The following COL9A1 variants were observed in gnomAD, a reference collection of about 807,000 sequenced individuals.
COL9A1 encodes collagen alpha-1(IX) chain.
COL9A1 carries 104 observed loss-of-function variants against 142.6 expected under a neutral mutation model. The observed-to-expected ratio is 0.73, with a 90% CI of 0.62 to 0.86. COL9A1 has a LOEUF of 0.86. Among genes scored for constraint, COL9A1 ranks in the 40% least tolerant of loss-of-function variants. The probability of loss-of-function intolerance (pLI) is 0.00; values close to 1 mark genes in which losing one functional copy is unlikely to be tolerated. For synonymous variants in COL9A1, 466 were observed against 396.0 expected (o/e 1.18, Z -2.10); for missense variants, 1,210 against 1,176.6 (o/e 1.03, Z -0.42).
intron 37 of COL9A1, among the ~76,000 whole-genome samples, chr6:70,219,317 A>G (rs761127709): frequency 3.3e-5 from 5 of 152,188 alleles, no homozygotes; most frequent in African/African-American, 1.2e-4. Context: ...TGGGATGGTC[A>G]TTGAGATCAG....
At chr6:70,235,731 T>C (rs1769863832) in intron 33 of COL9A1, among the ~76,000 whole-genome samples, 1 of 152,156 alleles carries the variant, frequency 6.6e-6, no homozygotes, top group Admixed American at 6.5e-5. Flanking sequence ...AACTTTTTTT[T>C]TTAGAGAATG....
intron 18 of COL9A1, 62 bp from the exon 19 acceptor site, chr6:70,263,359 A>T: frequency 2.1e-6 from 3 of 1,454,750 alleles, no homozygotes; most frequent in African/African-American, 1.4e-5. Flanking sequence ...CGAACATAGA[A>T]ATAGGCTTGG....
intron 6 of COL9A1, chr6:70,283,270 A>C: frequency 7.0e-7 from 1 of 1,422,334 alleles, no homozygotes; most frequent in Non-Finnish European, 9.2e-7. Flanking sequence ...GCTAGGGGGC[A>C]GGGGAGGACG....
rs1772040013 is a variant in COL9A1 at position 70,266,705 on chromosome 6, C to T, written c.1341+12G>A. 1 of 1,607,776 alleles carries T rather than the reference C, an allele frequency of 6.2e-7. No individual in the cohort carries two copies. Among genetic ancestry groups the T allele is most frequent in the African/African-American group, 1.3e-5 (1 of 74,748 alleles). ...AATCACAATTTATCCACTAAATACC[C>T]ATTTTCCTTACCTTGTGTCCTTGTC... On this transcript the variant is annotated intron_variant, in intron 18 of 37. Transcript: ENST00000357250.
intron 19 of COL9A1, chr6:70,260,978 A>G (rs985731933): frequency 7.9e-6 from 3 of 377,964 alleles, no homozygotes; most frequent in Non-Finnish European, 1.4e-5. Flanking sequence ...AAATACCAGC[A>G]TAAGAGAAAT....
In COL9A1 at chr6:70,302,003, G is replaced by A; in HGVS notation, c.86C>T (p.Pro29Leu). 1 of 1,609,520 alleles carries A rather than the reference G, an allele frequency of 6.2e-7. No individual in the cohort carries two copies. The change falls in exon 2 of 38, where the codon CCC (proline) becomes CTC (leucine). Residue 29 changes from proline to leucine, a missense_variant and splice_region_variant. Physicochemically the swap from Pro to Leu is moderately conservative, Grantham distance 98. Coordinates refer to ENST00000357250, the MANE Select transcript of COL9A1 (RefSeq NM_001851.6). ...AGTCTAGAAACTATGGCCCTTACTG[G>A]GGCGACGCTTGACAGCTGCAGATGC... Reference protein sequence around the residue: ...PWASAAVKRRPRFPVNSNSNG... With the variant: ...PWASAAVKRRLRFPVNSNSNG...
intron 25 of COL9A1, among the ~76,000 whole-genome samples, chr6:70,253,854 T>C (rs1007625572): frequency 1.2e-4 from 19 of 152,030 alleles, no homozygotes; most frequent in African/African-American, 3.9e-4. Flanking sequence ...AAAAAGGAAA[T>C]GGTAGGAGGA....
chr6:70,256,757 A>G lies in COL9A1; in HGVS notation c.1503+11T>C. 1 of 1,613,776 alleles carries G rather than the reference A, an allele frequency of 6.2e-7. No individual in the cohort carries two copies. On this transcript the variant is annotated intron_variant, in intron 21 of 37. Transcript: ENST00000357250. ...TCTATCATTGGGTTTTGTGGAAGGA[A>G]AATCACTTACAGGTGCACCAGGAAG... is the stretch of plus-strand genomic sequence containing the variant.
At chr6:70,232,374 T>C (rs1303132987) in intron 36 of COL9A1, among the ~76,000 whole-genome samples, 3 of 152,168 alleles carry the variant, frequency 2.0e-5, no homozygotes, top group Non-Finnish European at 4.4e-5. Flanking sequence ...TTAATTCTAG[T>C]ATTTGGTCTA....
chr6:70,275,638 A>G (rs1475330602), intron 10 of COL9A1, among the ~76,000 whole-genome samples: 1 of 152,104 alleles, frequency 6.6e-6, no homozygotes, highest in East Asian at 1.9e-4. Context: ...GAATTTCCAT[A>G]TTTGGTAAAG....
In COL9A1 at chr6:70,274,751, A is replaced by C. The variant is rs1772642922; in HGVS notation, c.997T>G (p.Ser333Ala). Reference protein sequence around the residue: ...GADGLTGPDGSPGSIGSKGQK... With the variant: ...GADGLTGPDGAPGSIGSKGQK... The stretch of plus-strand genomic sequence containing the variant: ...CCCTTTGACCCAATGGAGCCAGGGG[A>C]TCCATCAGGTCCTGTTAATCCCTAA... The change falls in exon 11 of 38, where the codon TCC becomes GCC. Residue 333 changes from serine to alanine, a missense_variant. Ser to Ala is a moderately conservative substitution (Grantham distance 99, BLOSUM62 1). Coordinates refer to ENST00000357250, the MANE Select transcript of COL9A1 (RefSeq NM_001851.6). 1 of 1,612,854 alleles carries C rather than the reference A, an allele frequency of 6.2e-7. No homozygotes were observed. The highest frequency in any genetic ancestry group is 8.5e-7 in the Non-Finnish European group (1 of 1,178,982).
At chr6:70,270,069 C>A (rs1304743131) in intron 15 of COL9A1, among the ~76,000 whole-genome samples, 1 of 152,194 alleles carries the variant, frequency 6.6e-6, no homozygotes, top group Non-Finnish European at 1.5e-5. Flanking sequence ...GACATCACAA[C>A]TGTCAAAAGA....
At chr6:70,268,281 C>T (rs1772160256) in intron 17 of COL9A1, among the ~76,000 whole-genome samples, 1 of 151,840 alleles carries the variant, frequency 6.6e-6, no homozygotes, top group Non-Finnish European at 1.5e-5. Context: ...GTGGCACAAT[C>T]ATAGCTCATT....
chr6:70,234,693 G>A, intron 34 of COL9A1, 100 bp from the exon 35 acceptor site: 1 of 1,603,274 alleles, frequency 6.2e-7, no homozygotes, highest in Admixed American at 1.7e-5. Flanking sequence ...CAGGTGGCTG[G>A]ATTTACAAGA....
intron 5 of COL9A1, among the ~76,000 whole-genome samples, chr6:70,285,737 T>C (rs1167954377): frequency 6.6e-6 from 1 of 152,238 alleles, no homozygotes; most frequent in African/African-American, 2.4e-5. Context: ...TTAAATCTAC[T>C]AAACAGAATA....
chr6:70,260,664 C>A lies in COL9A1; in HGVS notation c.1442G>T (p.Gly481Val), dbSNP rs753682260. The A allele has an allele frequency of 6.2e-7, 1 of 1,613,730 alleles. No homozygotes were observed. Among genetic ancestry groups the A allele is most frequent in the Non-Finnish European group, 8.5e-7 (1 of 1,179,826 alleles). Residue 481 changes from glycine (G) to valine (V), a missense_variant, in exon 20 of 38, where the codon GGG becomes GTG. Gly to Val is a moderately radical substitution (Grantham distance 109). Coordinates refer to ENST00000357250, the MANE Select transcript of COL9A1 (RefSeq NM_001851.6). ...RGITGIVGDK[G>V]EKGARGLDGE... The stretch of plus-strand genomic sequence containing the variant: ...TTGTCATCACCATCTTACTTTTTCC[C>A]CTTTGTCCCCAACTATGCCGGTGAT...
At chr6:70,274,674 T>C (rs754257533) in intron 11 of COL9A1, 45 bp downstream of exon 11, 1 of 1,487,268 alleles carries the variant, frequency 6.7e-7, no homozygotes, top group South Asian at 1.1e-5. Flanking sequence ...AAAATTATAC[T>C]TCAGCATTTT....
At chr6:70,242,619 T>C (rs769615445) in intron 29 of COL9A1, 43 bp downstream of exon 29, 52 of 1,537,676 alleles carry the variant, frequency 3.4e-5, no homozygotes, top group Non-Finnish European at 4.3e-5. Context: ...TAAAAATGCA[T>C]TGTGTTTCGT....
chr6:70,283,738 G>T lies in COL9A1; in HGVS notation c.779C>A (p.Thr260Lys), dbSNP rs1269362157. Residue 260 changes from threonine (T) to lysine (K), a missense_variant and splice_region_variant, in exon 6 of 38, where the codon ACG becomes AAG. Coordinates refer to ENST00000357250, the MANE Select transcript of COL9A1 (RefSeq NM_001851.6). ...TTTGCAGGTAGTCAGGGGACTCACCGTTATTCTGGCTGGCAGCTCATGGCA... is the reference window on the plus strand; with the variant it reads ...TTTGCAGGTAGTCAGGGGACTCACCTTTATTCTGGCTGGCAGCTCATGGCA... ...ETCHELPARI[T>K]PSQTTDERGP... 2 of 1,609,946 alleles carry T rather than the reference G, an allele frequency of 1.2e-6. No individual in the cohort carries two copies. Among genetic ancestry groups the T allele is most frequent in the Non-Finnish European group, 1.7e-6 (2 of 1,178,034 alleles).
Sources: gnomAD v4.1 joint callset for allele counts (sites outside exome capture counted in the v4.1 genomes callset) on GRCh38, gnomAD v4.1.1 for gene constraint, MANE v1.5 for transcripts, NCBI Gene and HGNC (gene_info 2026-07-23, HGNC 2026-07-21) for gene names.